Variants in MACF1 observed in about 807,000 individuals in gnomAD.
The protein encoded by MACF1 is microtubule actin crosslinking factor 1, also known as microtubule-actin cross-linking factor 1.
A neutral mutation model predicts 854.8 loss-of-function variants in MACF1; 193 were observed. The ratio of observed to expected loss-of-function variants is 0.23; its 90% CI spans 0.20 to 0.25. The LOEUF is 0.25. Among genes scored for constraint, MACF1 ranks in the 10% least tolerant of loss-of-function variants. The pLI, the probability that MACF1 is intolerant of heterozygous loss-of-function variation, is 1.00. For synonymous variants in MACF1, 3,185 were observed against 3,226.7 expected, an observed-to-expected ratio of 0.99 and a Z score of 0.44; for missense variants, 7,722 against 8,929.1, an observed-to-expected ratio of 0.86 and a Z score of 5.45.
In MACF1 at chr1:39,486,347, A is replaced by G. The variant is rs1327635287; in HGVS notation, c.*553A>G. ...TAAAGAGAGGGAACCTCATCTAAGT[A>G]ACATTTGCACATGATACAGCAAAAG... is the stretch of plus-strand genomic sequence containing the variant. On this transcript the variant is annotated 3_prime_UTR_variant, in exon 101 of 101. Transcript: ENST00000564288. 2.0e-5 allele frequency: 3 copies of G among 152,692 alleles called. No individual in the cohort carries two copies. Among genetic ancestry groups the G allele is most frequent in the African/African-American group, 4.8e-5 (2 of 41,474 alleles). 9.5% of individuals were successfully genotyped at this position (152,692 alleles called of 1,614,324 possible). A position where few individuals can be genotyped will look rare whatever the true frequency, so the allele number is the denominator to read the frequency against.
intron 2 of MACF1, among the ~76,000 whole-genome samples, chr1:39,117,193 T>G (rs1379625014): frequency 6.6e-6 from 1 of 152,204 alleles, no homozygotes; most frequent in Admixed American, 6.5e-5. Flanking sequence ...CCTTTATATC[T>G]AAAAAGAGTA....
At position 39,170,328 on chromosome 1, in the gene MACF1, C is replaced by A. The variant is rs4660501; in HGVS notation, c.221-60854C>A. On this transcript the variant is annotated intron_variant, in intron 2 of 93. Coordinates refer to the MACF1 transcript ENST00000361689. ...CCCACGGTGCCTCGCTCATGCCTAG[C>A]CAAGTTTAAATGCTCCTTACAGAGC... Among the ~76,000 whole-genome samples the A allele has an allele frequency of 2.7e-3, 411 of 152,280 alleles. 4 individuals carry two copies. The highest frequency in any genetic ancestry group is 0.018 in the Admixed American group (278 of 15,290).
chr1:39,157,367 A>C (rs1217145848), intron 2 of MACF1, among the ~76,000 whole-genome samples: 1 of 152,154 alleles, frequency 6.6e-6, no homozygotes, highest in Non-Finnish European at 1.5e-5. Flanking sequence ...CTACTTACAC[A>C]GTTTCTCCAC....
In MACF1 at chr1:39,346,997, T is replaced by C; in HGVS notation, c.10602T>C (p.Ala3534=). Residue 3534 remains alanine (A), a synonymous_variant, in exon 41 of 101, where the codon GCT becomes GCC. Coordinates refer to ENST00000564288, the MANE Select transcript of MACF1 (RefSeq NM_001394062.1). ...QQYEDLKQPM[A]ERKAQLDALA... ...CTTAGGATTTGAAACAGCCCATGGCTGAAAGGAAAGCTCAGCTGGATGCTC... is the reference window on the plus strand; with the variant it reads ...CTTAGGATTTGAAACAGCCCATGGCCGAAAGGAAAGCTCAGCTGGATGCTC... The C allele has an allele frequency of 6.2e-7, 1 of 1,612,394 alleles. No individual in the cohort carries two copies. The highest frequency in any genetic ancestry group is 1.1e-5 in the South Asian group (1 of 90,584).
intron 5 of MACF1, chr1:39,254,683 G>A (rs541065288): frequency 1.3e-4 from 41 of 308,776 alleles, no homozygotes; most frequent in Admixed American, 6.6e-4. Context: ...CTAGAAAAGA[G>A]ATGGAAAAAA....
rs772476908 is a variant in MACF1 at position 39,453,754 on chromosome 1, A to G, written c.20790A>G (p.Ala6930=). 1 of 1,614,200 alleles carries G rather than the reference A, an allele frequency of 6.2e-7. No homozygotes were observed. Among genetic ancestry groups the G allele is most frequent in the Non-Finnish European group, 8.5e-7 (1 of 1,180,000 alleles). ...VEEKRVDVNS[A]VAMGEVILAV... ...AAAAGCGAGTGGACGTTAACTCAGC[A>G]GTAGCCATGGGAGAAGTCATCCTGG... The change falls in exon 88 of 101, where the codon GCA becomes GCG. Residue 6930 remains alanine (A), a synonymous_variant. Transcript: ENST00000564288.
intron 15 of MACF1, among the ~76,000 whole-genome samples, chr1:39,290,490 C>T (rs1645751975): frequency 6.6e-6 from 1 of 151,640 alleles, no homozygotes; most frequent in Admixed American, 6.6e-5. Context: ...GTTCTTTTTG[C>T]TCAGGATAGC....
Position 39,463,403 on chromosome 1 carries a change from T to A in MACF1, c.21679-209T>A, listed in dbSNP as rs1329091525. Among the ~76,000 whole-genome samples the A allele has an allele frequency of 2.6e-5, 4 of 151,968 alleles. No individual in the cohort carries two copies. In the East Asian group the frequency reaches 7.7e-4, roughly 29 times the overall value. ...CACTTGGGGGGCTGAGGTAGGAGAATTGTTTGAACCAGGAGGCGGAGGTTG... is the reference window on the plus strand; with the variant it reads ...CACTTGGGGGGCTGAGGTAGGAGAAATGTTTGAACCAGGAGGCGGAGGTTG... On this transcript the variant is annotated intron_variant, in intron 93 of 100. Transcript: ENST00000564288.
chr1:39,312,714 A>G (rs1571318208), intron 26 of MACF1, among the ~76,000 whole-genome samples: 1 of 152,294 alleles, frequency 6.6e-6, no homozygotes. Flanking sequence ...AATCCCAGCT[A>G]TTCAAGTGGC....
At chr1:39,327,395 T>C (rs1193081726) in intron 36 of MACF1, 42 bp downstream of exon 36, 1 of 1,562,442 alleles carries the variant, frequency 6.4e-7, no homozygotes, top group Admixed American at 1.7e-5. Flanking sequence ...TGGATACCTT[T>C]TGAATGGTAT....
In MACF1 at chr1:39,300,096, A is replaced by T. The variant is rs138754066; in HGVS notation, c.2482-114A>T. 1.1e-3 allele frequency: 1,215 copies of T among 1,056,938 alleles called. 12 individuals carry two copies. The African/African-American group carries it at 0.017, about 15-fold the overall frequency. 65.5% of individuals were successfully genotyped at this position (1,056,938 alleles called of 1,614,324 possible). On this transcript the variant is annotated intron_variant, in intron 21 of 100. Coordinates refer to ENST00000564288, the MANE Select transcript of MACF1 (RefSeq NM_001394062.1). ...TAAGATGGCTCCACCAACCATCCCT[A>T]CTTAACTGAGAGATGACATTCTCTG...
intron 2 of MACF1, among the ~76,000 whole-genome samples, chr1:39,234,153 G>A (rs1644822473): frequency 6.6e-6 from 1 of 151,122 alleles, no homozygotes; most frequent in East Asian, 2.0e-4. Flanking sequence ...ATTTTTCTTA[G>A]TACAGAACAA....
At chr1:39,291,268 C>T (rs1196659821) in intron 15 of MACF1, among the ~76,000 whole-genome samples, 4 of 152,192 alleles carry the variant, frequency 2.6e-5, no homozygotes, top group East Asian at 1.9e-4. Flanking sequence ...TGAGCCACTG[C>T]GCCTGGCAAT....
In MACF1 at chr1:39,385,417, T is replaced by C; in HGVS notation, c.13849-17T>C. ...TTTTTTTCCTGTCTAAACATCTTGG[T>C]GTCATTTCTATTTCAGTTTATGCTA... On this transcript the variant is annotated splice_polypyrimidine_tract_variant and intron_variant, in intron 56 of 100. Transcript: ENST00000564288. 6.2e-7 allele frequency: 1 copy of C among 1,610,290 alleles called. No individual in the cohort carries two copies. The highest frequency in any genetic ancestry group is 8.5e-7 in the Non-Finnish European group (1 of 1,177,432).
chr1:39,341,613 G>T (rs751822137), intron 40 of MACF1, among the ~76,000 whole-genome samples: 1 of 151,604 alleles, frequency 6.6e-6, no homozygotes, highest in Admixed American at 6.6e-5. Flanking sequence ...CAGGAGAATC[G>T]CTTGAACCCA....
chr1:39,295,222 C>A, intron 19 of MACF1, 72 bp downstream of exon 19: 1 of 1,250,438 alleles, frequency 8.0e-7, no homozygotes, highest in Non-Finnish European at 1.2e-6. Context: ...AAATTAGAGA[C>A]TTTGTTCCAC....
chr1:39,477,017 T>C (rs1450622178), intron 97 of MACF1, among the ~76,000 whole-genome samples: 1 of 146,900 alleles, frequency 6.8e-6, no homozygotes, highest in Admixed American at 6.9e-5. Flanking sequence ...CTCTTAGATA[T>C]ATATACACAC....
intron 25 of MACF1, 141 bp from the exon 26 acceptor site, chr1:39,310,690 G>C: frequency 1.1e-6 from 1 of 882,062 alleles, no homozygotes; most frequent in Non-Finnish European, 1.7e-6. Flanking sequence ...TCAAAGATTA[G>C]TATACAGTAT....
chr1:39,399,168 G>A (rs896962772), intron 58 of MACF1, among the ~76,000 whole-genome samples: 2 of 152,036 alleles, frequency 1.3e-5, no homozygotes, highest in Admixed American at 6.6e-5. Context: ...CAATTCGAAG[G>A]CCATCTGATC....
Sources: gnomAD v4.1 joint callset for allele counts (sites outside exome capture counted in the v4.1 genomes callset) on GRCh38, gnomAD v4.1.1 for gene constraint, MANE v1.5 for transcripts, NCBI Gene and HGNC (gene_info 2026-07-23, HGNC 2026-07-21) for gene names.